Variants in PARP14 observed in about 807,000 individuals in gnomAD.
The protein encoded by PARP14 is poly(ADP-ribose) polymerase family member 14, also known as protein mono-ADP-ribosyltransferase PARP14.
In PARP14, 59 loss-of-function variants were observed where a neutral mutation model predicts 154.2. That is an observed-to-expected ratio of 0.38 (90% CI 0.31 to 0.48). The LOEUF (loss-of-function observed/expected upper bound fraction) is 0.48, where lower values mean the gene tolerates loss of function less well. Among genes scored for constraint, PARP14 ranks in the 20% least tolerant of loss-of-function variants. The pLI, the probability that PARP14 is intolerant of heterozygous loss-of-function variation, is 0.98. For synonymous variants in PARP14, 720 were observed against 780.5 expected (o/e 0.92, Z 1.29); for missense variants, 1,734 against 2,131.6 (o/e 0.81, Z 3.67).
chr3:122,727,653 G>C (rs745517433), intron 15 of PARP14, among the ~76,000 whole-genome samples, 159 bp from the exon 16 acceptor site: 2 of 152,174 alleles, frequency 1.3e-5, no homozygotes, highest in Non-Finnish European at 2.9e-5. Context: ...ATGAAACACT[G>C]GATCTAAAAA....
At chr3:122,709,079 G>T (rs879559030) in intron 9 of PARP14, among the ~76,000 whole-genome samples, 1 of 151,400 alleles carries the variant, frequency 6.6e-6, no homozygotes, top group Non-Finnish European at 1.5e-5. Flanking sequence ...CAATAGTTTT[G>T]GGGGTACAGG....
intron 8 of PARP14, among the ~76,000 whole-genome samples, chr3:122,707,039 A>T (rs1222745130): frequency 1.3e-5 from 2 of 152,226 alleles, no homozygotes; most frequent in African/African-American, 2.4e-5. Flanking sequence ...ATTCATGTTC[A>T]TTGTAGAAAC....
chr3:122,696,554 A>G (rs1190980519), intron 5 of PARP14, among the ~76,000 whole-genome samples: 1 of 152,090 alleles, frequency 6.6e-6, no homozygotes, highest in Non-Finnish European at 1.5e-5. Context: ...CACATATTCA[A>G]ATCTCCCTCT....
At chr3:122,725,417 G>A (rs1037098584) in intron 15 of PARP14, among the ~76,000 whole-genome samples, 7 of 152,178 alleles carry the variant, frequency 4.6e-5, no homozygotes, top group East Asian at 1.9e-4. Flanking sequence ...CAGACAGGGC[G>A]GCCGGGCAGA....
Position 122,695,420 on chromosome 3 carries a change from T to C in PARP14, c.599-6T>C. 1 of 1,387,230 alleles carries C rather than the reference T, an allele frequency of 7.2e-7. No individual in the cohort carries two copies. Among genetic ancestry groups the C allele is most frequent in the Non-Finnish European group, 1.0e-6 (1 of 994,580 alleles). 85.9% of individuals were successfully genotyped at this position (1,387,230 alleles called of 1,614,324 possible). ...GATTTTCTTTCTTTTTTTTTTTGGT[T>C]TGTAGATACTATAAGATTTGTTGAT... On this transcript the variant is annotated splice_polypyrimidine_tract_variant and splice_region_variant and intron_variant, in intron 4 of 16. Transcript: ENST00000474629.
intron 12 of PARP14, among the ~76,000 whole-genome samples, chr3:122,715,660 GTCTA>G (rs1268166384): frequency 3.6e-5 from 5 of 139,460 alleles, no homozygotes; most frequent in South Asian, 4.6e-4. Flanking sequence ...CTATCGATCT[GTCTA>G]TCTATCTCTA....
intron 8 of PARP14, among the ~76,000 whole-genome samples, chr3:122,705,687 A>C (rs1313757155): frequency 1.3e-5 from 2 of 152,202 alleles, no homozygotes; most frequent in African/African-American, 4.8e-5. Flanking sequence ...GATCAAACAG[A>C]TTAAGATCAG....
chr3:122,719,867 C>G (rs1189196556), intron 14 of PARP14, among the ~76,000 whole-genome samples: 1 of 152,194 alleles, frequency 6.6e-6, no homozygotes, highest in African/African-American at 2.4e-5. Flanking sequence ...ACAAACAAAA[C>G]AGCAACTACT....
chr3:122,703,871 G>A lies in PARP14; in HGVS notation c.3211G>A (p.Val1071Ile), dbSNP rs1939063892. The A allele has an allele frequency of 6.2e-7, 1 of 1,613,992 alleles. No homozygotes were observed. Among genetic ancestry groups the A allele is most frequent in the Non-Finnish European group, 8.5e-7 (1 of 1,179,874 alleles). Residue 1071 changes from valine (V) to isoleucine (I), a missense_variant, in exon 7 of 17, where the codon GTC becomes ATC. Transcript: ENST00000474629. ...GGACACAGTTGGACAAGGGGTGGCT[G>A]TCAGCATGGGCACAGTGCTCAAAAC... ...ELDTVGQGVA[V>I]SMGTVLKTSS...
chr3:122,728,709 G>T lies in PARP14; in HGVS notation c.*112G>T. 2.5e-6 allele frequency: 2 copies of T among 810,060 alleles called. No individual in the cohort carries two copies. Among genetic ancestry groups the T allele is most frequent in the South Asian group, 1.7e-5 (1 of 57,266 alleles). 50.2% of individuals were successfully genotyped at this position (810,060 alleles called of 1,614,324 possible). A position where few individuals can be genotyped will look rare whatever the true frequency, so the allele number is the denominator to read the frequency against. On this transcript the variant is annotated 3_prime_UTR_variant, in exon 17 of 17. Transcript: ENST00000474629. ...TTAACAGATTTTTCTAATATCCAAG[G>T]ATCATTCTTTGTCGCTGAAGTCAGT...
chr3:122,701,041 T>C lies in PARP14; in HGVS notation c.2487T>C (p.His829=). 1 of 1,613,972 alleles carries C rather than the reference T, an allele frequency of 6.2e-7. No homozygotes were observed. The highest frequency in any genetic ancestry group is 8.5e-7 in the Non-Finnish European group (1 of 1,179,876). The change falls in exon 6 of 17, where the codon CAT becomes CAC. Residue 829 remains histidine, a synonymous_variant. Coordinates refer to ENST00000474629, the MANE Select transcript of PARP14 (RefSeq NM_017554.3). The surrounding 1 kb of genome is among the most constrained non-coding windows in gnomAD (Gnocchi z 4.0). ...VVNASNEDLK[H]YGGLAAALSK... Reference sequence around the variant, plus strand: ...ATGCATCTAATGAGGACCTTAAGCATTATGGTGGCCTGGCCGCTGCGCTCT... The same window carrying C: ...ATGCATCTAATGAGGACCTTAAGCACTATGGTGGCCTGGCCGCTGCGCTCT...
intron 12 of PARP14, among the ~76,000 whole-genome samples, chr3:122,716,308 A>G (rs1932993667): frequency 6.6e-6 from 1 of 152,138 alleles, no homozygotes; most frequent in African/African-American, 2.4e-5. Flanking sequence ...CAATCACGTG[A>G]AAAACATCAC....
intron 4 of PARP14, among the ~76,000 whole-genome samples, chr3:122,693,998 G>A (rs1018409888): frequency 5.3e-5 from 8 of 152,216 alleles, no homozygotes; most frequent in South Asian, 2.1e-4. Flanking sequence ...TTTGTTCATC[G>A]ATCAGAATCT....
At chr3:122,719,861 A>G (rs1237635934) in intron 14 of PARP14, among the ~76,000 whole-genome samples, 1 of 152,218 alleles carries the variant, frequency 6.6e-6, no homozygotes, top group Non-Finnish European at 1.5e-5. Context: ...CCATGCACAA[A>G]CAAAACAGCA....
At chr3:122,715,386 G>A (rs189395809) in intron 12 of PARP14, among the ~76,000 whole-genome samples, 45 of 152,204 alleles carry the variant, frequency 3.0e-4, no homozygotes, top group Admixed American at 2.9e-3. Context: ...AACCATCCTT[G>A]TCAATTTCTG....
chr3:122,720,215 CG>C, intron 14 of PARP14, 39 bp from the exon 15 acceptor site: 1 of 1,594,236 alleles, frequency 6.3e-7, no homozygotes, highest in Non-Finnish European at 8.6e-7. Flanking sequence ...CAGAGTGTAC[CG>C]GGGATGTATG....
intron 9 of PARP14, 61 bp from the exon 10 acceptor site, chr3:122,713,363 A>G (rs1226009093): frequency 6.9e-7 from 1 of 1,453,718 alleles, no homozygotes; most frequent in East Asian, 2.3e-5. Context: ...TGTGAGCAGG[A>G]TACCCAAGTC....
At position 122,701,544 on chromosome 3, in the gene PARP14, G is replaced by C; in HGVS notation, c.2990G>C (p.Gly997Ala). 6.2e-7 allele frequency: 1 copy of C among 1,611,572 alleles called. No homozygotes were observed. ...CCAGGTTTACCACCAGCAGCAGCGG[G>C]GCCTGGGAAAACATCATGGGAAAAA... is the stretch of plus-strand genomic sequence containing the variant. Reference protein sequence around the residue: ...APPGLPPAAAGPGKTSWEKGS... With the variant: ...APPGLPPAAAAPGKTSWEKGS... The change falls in exon 6 of 17, where the codon GGG (glycine) becomes GCG (alanine). Residue 997 changes from glycine (G) to alanine (A), a missense_variant. Around this residue, in one of 2 missense-constraint regions of PARP14, gnomAD observed 1,646 missense variants for 1,976.0 expected, o/e 0.83. Transcript: ENST00000474629. This position sits in a 1 kb window ranked among gnomAD's most constrained non-coding sequence, Gnocchi z 4.0.
chr3:122,687,133 G>A lies in PARP14; in HGVS notation c.355+20G>A, dbSNP rs1021087578. 6.4e-7 allele frequency: 1 copy of A among 1,571,154 alleles called. No homozygotes were observed. Among genetic ancestry groups the A allele is most frequent in the South Asian group, 1.1e-5 (1 of 87,112 alleles). Reference sequence around the variant, plus strand: ...AACCAGGTAAAATCTCAGTTGAGATGACTCTGACATTCACCAAGCTGTTTT... The same window carrying A: ...AACCAGGTAAAATCTCAGTTGAGATAACTCTGACATTCACCAAGCTGTTTT... On this transcript the variant is annotated intron_variant, in intron 3 of 16. Coordinates refer to ENST00000474629, the MANE Select transcript of PARP14 (RefSeq NM_017554.3).
Sources: allele counts gnomAD v4.1 joint callset (sites outside exome capture counted in the v4.1 genomes callset), GRCh38; gene constraint gnomAD v4.1.1; regional missense constraint gnomAD v4.1.1; non-coding constraint Gnocchi (gnomAD v3.1); transcripts MANE v1.5; gene names NCBI Gene and HGNC (gene_info 2026-07-23, HGNC 2026-07-21).